The following VAV2 variants were observed in gnomAD, a reference collection of about 807,000 sequenced individuals.
The protein encoded by VAV2 is guanine nucleotide exchange factor VAV2.
A neutral mutation model predicts 132.5 loss-of-function variants in VAV2; 67 were observed. The ratio of observed to expected loss-of-function variants is 0.51; its 90% confidence interval spans 0.42 to 0.62. VAV2 has a LOEUF of 0.62. VAV2 is among the 20% of genes least tolerant of loss of function. The pLI, the probability that VAV2 is intolerant of heterozygous loss-of-function variation, is 0.00. For missense variants in VAV2, 938 were observed against 1,153.6 expected (o/e 0.81, Z 2.71); for synonymous variants, 492 against 443.5 (o/e 1.11, Z -1.37).
chr9:133,854,504 T>G (rs1837314654), intron 3 of VAV2, among the ~76,000 whole-genome samples: 1 of 152,234 alleles, frequency 6.6e-6, no homozygotes, highest in African/African-American at 2.4e-5. Context: ...TACTCCTCAC[T>G]GAGTTGCCCT....
Position 133,797,628 on chromosome 9 carries a change from G to A in VAV2, c.936+82C>T, listed in dbSNP as rs1046670009. ...CCACCTTCCCAACAAATGGGCAAGA[G>A]AGAGGCTGGTACCTAACGAGCTCTG... On this transcript the variant is annotated intron_variant, in intron 10 of 29. Coordinates refer to ENST00000371850, the MANE Select transcript of VAV2 (RefSeq NM_001134398.2). 9 of 1,235,502 alleles carry A rather than the reference G, an allele frequency of 7.3e-6. No homozygotes were observed. The African/African-American group carries it at 1.2e-4, about 17-fold the overall frequency. 76.5% of individuals were successfully genotyped at this position (1,235,502 alleles called of 1,614,324 possible). A position where few individuals can be genotyped will look rare whatever the true frequency, so the allele number is the denominator to read the frequency against.
chr9:133,889,372 T>C (rs1838840672), intron 2 of VAV2, among the ~76,000 whole-genome samples: 1 of 152,172 alleles, frequency 6.6e-6, no homozygotes, highest in Non-Finnish European at 1.5e-5. Flanking sequence ...CTTTCTAGAC[T>C]GGCCTGACCC....
intron 2 of VAV2, 43 bp downstream of exon 2, chr9:133,939,060 C>T (rs1841032725): frequency 6.3e-7 from 1 of 1,587,656 alleles, no homozygotes; most frequent in Non-Finnish European, 8.6e-7. Flanking sequence ...GCAAATCGGC[C>T]ACCACAGCTG....
intron 2 of VAV2, among the ~76,000 whole-genome samples, chr9:133,893,083 G>A (rs1218042412): frequency 6.6e-6 from 1 of 152,220 alleles, no homozygotes; most frequent in Non-Finnish European, 1.5e-5. Flanking sequence ...TTCTCTCAGA[G>A]GACAGCACGG....
intron 1 of VAV2, among the ~76,000 whole-genome samples, chr9:133,971,197 T>C (rs913266360): frequency 6.6e-6 from 1 of 152,130 alleles, no homozygotes; most frequent in Non-Finnish European, 1.5e-5. Flanking sequence ...AGCTTGCAGA[T>C]GGAACAGTCG....
At chr9:133,913,185 G>T (rs1339982022) in intron 2 of VAV2, among the ~76,000 whole-genome samples, 1 of 152,198 alleles carries the variant, frequency 6.6e-6, no homozygotes, top group East Asian at 1.9e-4. Flanking sequence ...AGAGCCCAGT[G>T]TTTTGGTGAC....
At chr9:133,809,409 T>C (rs1478959995) in intron 6 of VAV2, among the ~76,000 whole-genome samples, 1 of 152,188 alleles carries the variant, frequency 6.6e-6, no homozygotes, top group Non-Finnish European at 1.5e-5. Context: ...CCTTCTAGAA[T>C]CCCAGGCTCC....
At chr9:133,813,371 G>C (rs778690884) in intron 4 of VAV2, among the ~76,000 whole-genome samples, 1 of 152,238 alleles carries the variant, frequency 6.6e-6, no homozygotes, top group Non-Finnish European at 1.5e-5. Flanking sequence ...ACTCAGGAAC[G>C]GGTTCCCCAG....
rs544992461 is a variant in VAV2, at chr9:133,938,805, G to C, written c.321+298C>G. ...TCCCCTGGCTAGAACCACAGGGCCA[G>C]GGTTGTCTGCACTCTGCTCTTCCCC... On this transcript the variant is annotated intron_variant, in intron 2 of 29. Coordinates refer to ENST00000371850, the MANE Select transcript of VAV2 (RefSeq NM_001134398.2). 3.9e-5 allele frequency among the ~76,000 whole-genome samples: 6 copies of C among 152,298 alleles called. No individual in the cohort carries two copies. In the East Asian group the frequency reaches 1.2e-3, roughly 29 times the overall value.
At chr9:133,976,865 C>A (rs1203519144) in intron 1 of VAV2, among the ~76,000 whole-genome samples, 2 of 152,240 alleles carry the variant, frequency 1.3e-5, no homozygotes, top group Non-Finnish European at 2.9e-5. Context: ...CTCCTTTTAT[C>A]CCCATCCTAC....
intron 2 of VAV2, among the ~76,000 whole-genome samples, chr9:133,929,102 C>G: frequency 6.6e-6 from 1 of 152,316 alleles, no homozygotes; most frequent in South Asian, 2.1e-4. Flanking sequence ...GGGGAAATGA[C>G]AGCTGCGAGA....
rs764508845 is a variant in VAV2 at position 133,802,923 on chromosome 9, G to A, written c.836+3158C>T. Among the ~76,000 whole-genome samples the A allele has an allele frequency of 6.6e-6, 1 of 152,216 alleles. No individual in the cohort carries two copies. Among genetic ancestry groups the A allele is most frequent in the Non-Finnish European group, 1.5e-5 (1 of 68,038 alleles). On this transcript the variant is annotated intron_variant, in intron 9 of 29. Transcript: ENST00000371850. This position sits in a 1 kb window ranked among gnomAD's most constrained non-coding sequence, Gnocchi z 5.8. The stretch of plus-strand genomic sequence containing the variant: ...CCGTTTCCCCATCTGGGAAATGGGG[G>A]TTAGACAGAGCGGGAGCTGAGGCTT...
At chr9:133,854,134 AC>A (rs1837294959) in intron 3 of VAV2, among the ~76,000 whole-genome samples, 1 of 87,246 alleles carries the variant, frequency 1.1e-5, no homozygotes. Flanking sequence ...GCACACACAC[AC>A]CCCTTGCACC....
chr9:133,791,760 C>G, intron 13 of VAV2, 23 bp downstream of exon 13: 1 of 1,605,974 alleles, frequency 6.2e-7, no homozygotes, highest in South Asian at 1.1e-5. Flanking sequence ...CCTTCCCTAG[C>G]CTGAAGAGTC....
At chr9:133,848,400 G>A (rs72762854) in intron 3 of VAV2, among the ~76,000 whole-genome samples, 18,766 of 152,142 alleles carry the variant, frequency 0.12, 1,310 homozygotes, top group South Asian at 0.17. Context: ...GCAGGCGCTG[G>A]AGTAGACGCA....
At chr9:133,807,608 C>T (rs1231028775) in intron 7 of VAV2, among the ~76,000 whole-genome samples, 1 of 152,184 alleles carries the variant, frequency 6.6e-6, no homozygotes, top group East Asian at 1.9e-4. Flanking sequence ...TATGGCTGCC[C>T]TGAGGTGGGC....
Position 133,806,075 on chromosome 9 carries a change from A to G in VAV2, c.836+6T>C, listed in dbSNP as rs1245065104. 1 of 1,611,876 alleles carries G rather than the reference A, an allele frequency of 6.2e-7. No individual in the cohort carries two copies. The highest frequency in any genetic ancestry group is 1.7e-5 in the Admixed American group (1 of 59,932). On this transcript the variant is annotated splice_donor_region_variant and intron_variant, in intron 9 of 29. Coordinates refer to ENST00000371850, the MANE Select transcript of VAV2 (RefSeq NM_001134398.2). The stretch of plus-strand genomic sequence containing the variant: ...CAAGGAGCCCCAGGAGCCGGCAGCC[A>G]CTCACCTTTCCTTGAAATCGAGGAA...
rs2132280513 is a variant in VAV2 at position 133,978,189 on chromosome 9, A to T, written c.204+13886T>A. Among the ~76,000 whole-genome samples, 3 of 152,330 alleles carry T rather than the reference A, an allele frequency of 2.0e-5. No individual in the cohort carries two copies. The South Asian group carries it at 6.2e-4, about 32-fold the overall frequency. On this transcript the variant is annotated intron_variant, in intron 1 of 29. Transcript: ENST00000371850. Reference sequence around the variant, plus strand: ...AACTGCCCTCCCTGGCCCGCCGGCCAGAGGATGCTGGTCCCAGGGTCCACT... The same window carrying T: ...AACTGCCCTCCCTGGCCCGCCGGCCTGAGGATGCTGGTCCCAGGGTCCACT...
chr9:133,992,031 C>T lies in VAV2; in HGVS notation c.204+44G>A. 1.4e-6 allele frequency: 2 copies of T among 1,447,484 alleles called. No homozygotes were observed. Among genetic ancestry groups the T allele is most frequent in the South Asian group, 1.3e-5 (1 of 75,086 alleles). The allele number at this position is 1,447,484 out of a possible 1,614,324, so 89.7% of individuals were successfully genotyped here. On this transcript the variant is annotated intron_variant, in intron 1 of 29. Transcript: ENST00000371850. This position sits in a 1 kb window ranked among gnomAD's most constrained non-coding sequence, Gnocchi z 5.5. ...CGTTCAGTCCGCGCGTCGGGCAGCG[C>T]GAACGCCGCCTCCCCGGGGCCCTCC...
Sources: allele counts gnomAD v4.1 joint callset (sites outside exome capture counted in the v4.1 genomes callset), GRCh38; gene constraint gnomAD v4.1.1; non-coding constraint Gnocchi (gnomAD v3.1); transcripts MANE v1.5; gene names NCBI Gene and HGNC (gene_info 2026-07-23, HGNC 2026-07-21).